The following PTPRD variants were observed in gnomAD, a reference collection of about 807,000 sequenced individuals.
The protein encoded by PTPRD is protein tyrosine phosphatase receptor type D.
In PTPRD, 34 loss-of-function variants were observed where a neutral mutation model predicts 214.5. The ratio of observed to expected loss-of-function variants is 0.16; its 90% confidence interval spans 0.12 to 0.21. The LOEUF (loss-of-function observed/expected upper bound fraction) is 0.21, where lower values mean the gene tolerates loss of function less well. PTPRD is among the 10% of genes least tolerant of loss of function. The pLI, the probability that PTPRD is intolerant of heterozygous loss-of-function variation, is 1.00. For synonymous variants in PTPRD, 1,128 were observed against 845.7 expected, an observed-to-expected ratio of 1.33 and a Z score of -5.79; for missense variants, 2,545 against 2,398.7, an observed-to-expected ratio of 1.06 and a Z score of -1.27.
At chr9:9,564,895 T>TTGTTTG (rs1555579067) in intron 8 of PTPRD, among the ~76,000 whole-genome samples, 2 of 135,330 alleles carry the variant, frequency 1.5e-5, no homozygotes, top group African/African-American at 5.8e-5. Flanking sequence ...TTTTTTTTTT[T>TTGTTTG]TTTTTTTTTT....
intron 2 of PTPRD, among the ~76,000 whole-genome samples, chr9:10,378,963 C>T (rs1019984300): frequency 1.3e-5 from 2 of 151,884 alleles, no homozygotes; most frequent in Non-Finnish European, 2.9e-5. Context: ...GAATAGCTCT[C>T]CATTTTTTGG....
At chr9:9,416,336 AAGAC>A (rs2076985541) in intron 8 of PTPRD, among the ~76,000 whole-genome samples, 1 of 152,220 alleles carries the variant, frequency 6.6e-6, no homozygotes, top group African/African-American at 2.4e-5. Context: ...ATTTTGAAAT[AAGAC>A]AGAATGTGAT....
chr9:9,275,179 A>AT (rs1296627285), intron 9 of PTPRD, among the ~76,000 whole-genome samples: 11 of 24,388 alleles, frequency 4.5e-4, no homozygotes, highest in Non-Finnish European at 7.8e-4. Context: ...TATATAATAT[A>AT]TATGTTATAT....
intron 5 of PTPRD, among the ~76,000 whole-genome samples, chr9:9,797,107 A>T (rs1414454336): frequency 2.1e-5 from 3 of 145,360 alleles, no homozygotes; most frequent in Non-Finnish European, 4.4e-5. Context: ...GGGAAGGAAT[A>T]AAAAACACAT....
chr9:10,277,375 T>A (rs1020264176), intron 3 of PTPRD, among the ~76,000 whole-genome samples: 1 of 152,212 alleles, frequency 6.6e-6, no homozygotes, highest in Admixed American at 6.5e-5. Context: ...AAATTTGGAA[T>A]TTTAGAAGAA....
At chr9:8,906,941 C>T (rs1326598910) in intron 11 of PTPRD, among the ~76,000 whole-genome samples, 1 of 152,026 alleles carries the variant, frequency 6.6e-6, no homozygotes, top group Non-Finnish European at 1.5e-5. Context: ...CACTGATTGC[C>T]TGGAAAGCTG....
chr9:10,406,398 T>C (rs987549217), intron 2 of PTPRD, among the ~76,000 whole-genome samples: 1 of 151,564 alleles, frequency 6.6e-6, no homozygotes, highest in Non-Finnish European at 1.5e-5. Flanking sequence ...ATAGTAAGAA[T>C]GTATGTCATG....
chr9:9,391,157 A>G (rs1312715080), intron 9 of PTPRD, among the ~76,000 whole-genome samples: 8 of 141,844 alleles, frequency 5.6e-5, no homozygotes, highest in African/African-American at 2.1e-4. Flanking sequence ...GGGATATTCT[A>G]TGTTACACAT....
At chr9:9,269,892 A>C (rs1942067874) in intron 9 of PTPRD, among the ~76,000 whole-genome samples, 1 of 151,194 alleles carries the variant, frequency 6.6e-6, no homozygotes. Context: ...CAAAGGGTAC[A>C]AACTTTCAGT....
At chr9:9,944,546 T>TAC (rs2092254840) in intron 4 of PTPRD, among the ~76,000 whole-genome samples, 1 of 152,104 alleles carries the variant, frequency 6.6e-6, no homozygotes, top group Non-Finnish European at 1.5e-5. Context: ...GGTAAATTCT[T>TAC]ACTAAGGCAA....
chr9:9,069,381 A>G (rs1248875537), intron 10 of PTPRD, among the ~76,000 whole-genome samples: 1 of 152,212 alleles, frequency 6.6e-6, no homozygotes, highest in Non-Finnish European at 1.5e-5. Context: ...TACATTCATG[A>G]CTTAAACGTC....
intron 7 of PTPRD, among the ~76,000 whole-genome samples, chr9:9,682,005 C>A (rs563908505): frequency 1.3e-5 from 2 of 151,696 alleles, no homozygotes; most frequent in African/African-American, 4.8e-5. Context: ...TCATCATTAC[C>A]CACTCTCTTT....
chr9:9,590,559 A>G (rs1042225162), intron 7 of PTPRD, among the ~76,000 whole-genome samples: 21 of 152,004 alleles, frequency 1.4e-4, no homozygotes, highest in African/African-American at 4.1e-4. Flanking sequence ...TTCCTTAACA[A>G]TTCAGAAATA....
At chr9:10,230,832 T>C (rs1031572489) in intron 3 of PTPRD, among the ~76,000 whole-genome samples, 9 of 152,054 alleles carry the variant, frequency 5.9e-5, no homozygotes, top group African/African-American at 1.9e-4. Context: ...TTGTTACTTA[T>C]TTGCATCGGT....
chr9:9,752,521 T>A (rs1051687611), intron 6 of PTPRD, among the ~76,000 whole-genome samples: 18 of 150,014 alleles, frequency 1.2e-4, no homozygotes, highest in African/African-American at 4.4e-4. Context: ...CTTTCAAAAT[T>A]CTGTGAGTTT....
intron 3 of PTPRD, among the ~76,000 whole-genome samples, chr9:10,337,869 T>C (rs2096870733): frequency 6.6e-6 from 1 of 151,744 alleles, no homozygotes. Context: ...TCAGAATCCA[T>C]GCTTTTGATC....
At chr9:9,049,128 T>G (rs1267432147) in intron 10 of PTPRD, among the ~76,000 whole-genome samples, 3 of 152,192 alleles carry the variant, frequency 2.0e-5, no homozygotes. Flanking sequence ...ATTTTAAGTT[T>G]TTTGCTTCCT....
intron 39 of PTPRD, among the ~76,000 whole-genome samples, chr9:8,349,936 T>TTTG (rs1408936259): frequency 6.7e-6 from 1 of 149,154 alleles, no homozygotes; most frequent in African/African-American, 2.4e-5. Context: ...TTTAGTGGTT[T>TTTG]TTTTTTTTTT....
At chr9:9,505,676 T>A (rs1053543519) in intron 8 of PTPRD, among the ~76,000 whole-genome samples, 5 of 151,614 alleles carry the variant, frequency 3.3e-5, no homozygotes, top group African/African-American at 1.2e-4. Flanking sequence ...AGGGAATCAA[T>A]AAAGATGAAA....
Sources: gnomAD v4.1 joint callset for allele counts (sites outside exome capture counted in the v4.1 genomes callset) on GRCh38, gnomAD v4.1.1 for gene constraint, MANE v1.5 for transcripts, NCBI Gene and HGNC (gene_info 2026-07-23, HGNC 2026-07-21) for gene names.